NRDC: variants seen among roughly 807,000 people sequenced by gnomAD.
NRDC encodes nardilysin convertase.
NRDC carries 54 observed loss-of-function variants against 147.1 expected under a neutral mutation model. The observed-to-expected ratio is 0.37, with a 90% CI of 0.29 to 0.46. NRDC has a LOEUF of 0.46. Ranked by LOEUF, NRDC falls within the 20% of genes least tolerant of loss-of-function variation. The pLI, the probability that NRDC is intolerant of heterozygous loss-of-function variation, is 1.00. For missense variants in NRDC, 1,082 were observed against 1,370.6 expected (o/e 0.79, Z 3.33); for synonymous variants, 440 against 482.1 (o/e 0.91, Z 1.14).
chr1:51,800,453 G>T, intron 21 of NRDC, 103 bp downstream of exon 21: 1 of 1,299,478 alleles, frequency 7.7e-7, no homozygotes, highest in Non-Finnish European at 1.1e-6. Context: ...AAACACGGAT[G>T]AAAATTAGCA....
rs1354251753 is a variant in NRDC at position 51,810,340 on chromosome 1, G to C, written c.1844C>G (p.Ala615Gly). The C allele has an allele frequency of 6.2e-7, 1 of 1,611,484 alleles. No homozygotes were observed. The highest frequency in any genetic ancestry group is 8.5e-7 in the Non-Finnish European group (1 of 1,178,230). ...CTTGAGGTCACATTTTCCCTCATTA[G>C]CACCAGACAGTAAAACAAGATTTGC... ...QKANLVLLSG[A>G]NEGKCDLKEK... The change falls in exon 16 of 31, where the codon GCT (alanine) becomes GGT (glycine). Residue 615 changes from alanine (A) to glycine (G), a missense_variant. Physicochemically the swap from Ala to Gly is moderately conservative, Grantham distance 60 (BLOSUM62 0). Transcript: ENST00000352171.
Position 51,814,765 on chromosome 1 carries a change from C to T in NRDC, c.1488G>A (p.Glu496=). The change falls in exon 12 of 31, where the codon GAG becomes GAA. Residue 496 remains glutamate, a synonymous_variant. Coordinates refer to ENST00000352171, the MANE Select transcript of NRDC (RefSeq NM_001101662.2). ...TGAACACTGAATAAGTAGAATTTTG[C>T]TCAAATCCTGTCTCACCATTTCCAC... ...LFGGNGETGF[E]QNSTYSVFSI... 2 of 1,611,348 alleles carry T rather than the reference C, an allele frequency of 1.2e-6. No homozygotes were observed. Among genetic ancestry groups the T allele is most frequent in the Non-Finnish European group, 1.7e-6 (2 of 1,179,124 alleles).
intron 1 of NRDC, among the ~76,000 whole-genome samples, chr1:51,875,514 T>C (rs1394024075): frequency 6.6e-6 from 1 of 152,252 alleles, no homozygotes; most frequent in East Asian, 1.9e-4. Context: ...TCAATATATC[T>C]AGGACATACC....
chr1:51,807,656 A>C (rs1469169960), intron 17 of NRDC, among the ~76,000 whole-genome samples: 1 of 152,154 alleles, frequency 6.6e-6, no homozygotes, highest in East Asian at 1.9e-4. Context: ...GCAGTGAGCC[A>C]TGATCATGCC....
At chr1:51,859,243 TTCTG>T (rs1266324536) in intron 1 of NRDC, among the ~76,000 whole-genome samples, 1 of 152,248 alleles carries the variant, frequency 6.6e-6, no homozygotes, top group Admixed American at 6.5e-5. Flanking sequence ...TAATATCTGC[TTCTG>T]TCTTTGTGTC....
rs892321689 is a variant in NRDC at position 51,878,257 on chromosome 1, G to C, written c.341+18C>G. The C allele has an allele frequency of 6.3e-7, 1 of 1,599,980 alleles. No individual in the cohort carries two copies. Among genetic ancestry groups the C allele is most frequent in the African/African-American group, 1.3e-5 (1 of 74,770 alleles). ...CCGGCACACTGTTCGCCTCCCCATTGCAAGCCTCCTCCCTCACCGGTATTG... is the reference window on the plus strand; with the variant it reads ...CCGGCACACTGTTCGCCTCCCCATTCCAAGCCTCCTCCCTCACCGGTATTG... On this transcript the variant is annotated intron_variant, in intron 1 of 30. Transcript: ENST00000352171.
intron 10 of NRDC, 27 bp from the exon 11 acceptor site, chr1:51,816,416 G>GA (rs757107226): frequency 1.4e-6 from 2 of 1,428,812 alleles, no homozygotes; most frequent in South Asian, 1.4e-5. Flanking sequence ...ATGGTCAGAA[G>GA]AAAAAAACAA....
At chr1:51,809,606 G>A (rs1679620639) in intron 16 of NRDC, among the ~76,000 whole-genome samples, 1 of 152,136 alleles carries the variant, frequency 6.6e-6, no homozygotes, top group African/African-American at 2.4e-5. Context: ...TGTCAGAAAT[G>A]CAGAATCTGG....
intron 1 of NRDC, among the ~76,000 whole-genome samples, chr1:51,852,212 C>T (rs1327482682): frequency 6.6e-6 from 1 of 152,030 alleles, no homozygotes; most frequent in Non-Finnish European, 1.5e-5. Flanking sequence ...CCACCTCTTT[C>T]GAGACCTCAT....
intron 22 of NRDC, chr1:51,795,287 C>A (rs1409046871): frequency 3.7e-6 from 4 of 1,091,722 alleles, no homozygotes; most frequent in Non-Finnish European, 4.9e-6. Flanking sequence ...GTTTTCTTAT[C>A]TATAAAATAA....
intron 9 of NRDC, among the ~76,000 whole-genome samples, chr1:51,819,298 CAA>C (rs200262192): frequency 3.3e-4 from 32 of 97,814 alleles, no homozygotes; most frequent in Admixed American, 5.5e-4. Context: ...ACTCTGTCTC[CAA>C]AAAAAAAAAA....
intron 22 of NRDC, among the ~76,000 whole-genome samples, chr1:51,797,091 T>G (rs1363921449): frequency 6.6e-6 from 1 of 151,672 alleles, no homozygotes; most frequent in African/African-American, 2.4e-5. Context: ...TCCCAGCTAC[T>G]TGGGAGGCTG....
At position 51,805,560 on chromosome 1, in the gene NRDC, T is replaced by C. The variant is rs1390102783; in HGVS notation, c.2112A>G (p.Ala704=). 4.4e-6 allele frequency: 7 copies of C among 1,573,896 alleles called. No individual in the cohort carries two copies. Among genetic ancestry groups the C allele is most frequent in the Non-Finnish European group, 4.3e-6 (5 of 1,165,164 alleles). ...GTGAAATTAGATGGAAACGTATATA[T>C]GCTAAAAGAAAAAAGACCATAGATA... ...KKDNKFKIPK[A]YIRFHLISPL... is the part of the protein sequence containing the mutation. The change falls in exon 19 of 31, where the codon GCA becomes GCG. Residue 704 remains alanine, a splice_region_variant and synonymous_variant. Transcript: ENST00000352171.
rs753806302 is a variant in NRDC at position 51,789,527 on chromosome 1, T to C, written c.3258+41A>G. 13 of 1,592,938 alleles carry C rather than the reference T, an allele frequency of 8.2e-6. No homozygotes were observed. In the African/African-American group the frequency reaches 1.7e-4, roughly 21 times the overall value. ...TAACCACCCAAACTCACTCAGTAAA[T>C]GACAACCCTAGAATGGATGGAGTTA... On this transcript the variant is annotated intron_variant, in intron 30 of 30. Coordinates refer to ENST00000352171, the MANE Select transcript of NRDC (RefSeq NM_001101662.2).
chr1:51,833,602 T>C (rs758258142), intron 4 of NRDC, among the ~76,000 whole-genome samples: 1 of 152,060 alleles, frequency 6.6e-6, no homozygotes, highest in Non-Finnish European at 1.5e-5. Context: ...AGCTTTTTTC[T>C]CCAAATAAAG....
At chr1:51,872,733 G>A (rs920916214) in intron 1 of NRDC, among the ~76,000 whole-genome samples, 1 of 151,990 alleles carries the variant, frequency 6.6e-6, no homozygotes, top group African/African-American at 2.4e-5. Flanking sequence ...AAGGAAATCA[G>A]TCTAAGGAAT....
chr1:51,836,866 A>G (rs1448345165), intron 2 of NRDC, among the ~76,000 whole-genome samples: 1 of 152,122 alleles, frequency 6.6e-6, no homozygotes, highest in Non-Finnish European at 1.5e-5. Context: ...ATATTCTCCC[A>G]ATACTTTGGG....
At chr1:51,848,421 C>A (rs545754942) in intron 1 of NRDC, among the ~76,000 whole-genome samples, 10 of 152,286 alleles carry the variant, frequency 6.6e-5, no homozygotes, top group South Asian at 4.1e-4. Flanking sequence ...GCGGAGCTTG[C>A]AGTGAGCCGA....
At chr1:51,822,792 T>C (rs566537339) in intron 7 of NRDC, among the ~76,000 whole-genome samples, 2 of 152,222 alleles carry the variant, frequency 1.3e-5, no homozygotes, top group Non-Finnish European at 2.9e-5. Context: ...GAATCTACCA[T>C]ACCACGAAAC....
Sources: gnomAD v4.1 joint callset for allele counts (sites outside exome capture counted in the v4.1 genomes callset) on GRCh38, gnomAD v4.1.1 for gene constraint, MANE v1.5 for transcripts, NCBI Gene and HGNC (gene_info 2026-07-23, HGNC 2026-07-21) for gene names.